The following HIGD2B variants were observed in gnomAD, a reference collection of about 807,000 sequenced individuals.
HIGD2B encodes HIG1 domain family member 2B.
For missense variants in HIGD2B, 106 were observed against 67.0 expected, an observed-to-expected ratio of 1.58 and a Z score of -2.03; for synonymous variants, 45 against 28.1, an observed-to-expected ratio of 1.60 and a Z score of -1.90.
chr15:72,676,317 TG>T lies in HIGD2B; in HGVS notation c.57del (p.Ile20SerfsTer32), dbSNP rs771338686. The T allele has an allele frequency of 2.6e-6, 2 of 760,912 alleles. No homozygotes were observed. The highest frequency in any genetic ancestry group is 1.4e-5 in the South Asian group (1 of 73,614). The allele number at this position is 760,912 out of a possible 1,614,324, so 47.1% of individuals were successfully genotyped here. On this transcript the variant is annotated frameshift_variant, in exon 3 of 3. Transcript: ENST00000311755. LOFTEE classifies it high-confidence loss of function. ...PEAPFESSKP[P>X]IFEGLSPTVY... ...ACAGTGGGGCTAAGCCCCTCAAAGA[TG>T]GGGGGCTTCGATGATTCAAAGGGGG...
intron 2 of HIGD2B, among the ~76,000 whole-genome samples, chr15:72,676,617 A>G (rs1336341436): frequency 3.9e-5 from 6 of 152,152 alleles, no homozygotes; most frequent in Non-Finnish European, 8.8e-5. Flanking sequence ...GGGTTTCACC[A>G]TATTGGCCAG....
chr15:72,681,343 C>A (rs973008049), intron 1 of HIGD2B, among the ~76,000 whole-genome samples: 2 of 152,180 alleles, frequency 1.3e-5, no homozygotes, highest in Non-Finnish European at 2.9e-5. Flanking sequence ...TCAGAACTCT[C>A]ATGGCATGGC....
rs751259449 is a variant in HIGD2B at position 72,676,337 on chromosome 15, A to G, written c.38T>C (p.Phe13Ser). ...TLGFVTPEAP[F>S]ESSKPPIFEG... ...AAAGATGGGGGGCTTCGATGATTCA[A>G]AGGGGGCCTCCGGAGTCACAAAGCC... The change falls in exon 3 of 3, where the codon TTT (phenylalanine) becomes TCT (serine). Residue 13 changes from phenylalanine (F) to serine (S), a missense_variant. Coordinates refer to ENST00000311755, the MANE Select transcript of HIGD2B (RefSeq NM_001350932.3). The G allele has an allele frequency of 1.3e-6, 1 of 761,906 alleles. No individual in the cohort carries two copies. 47.2% of individuals were successfully genotyped at this position (761,906 alleles called of 1,614,324 possible).
rs571437475 is a variant in HIGD2B at position 72,679,221 on chromosome 15, C to T, written c.-14+794G>A. 3.3e-4 allele frequency among the ~76,000 whole-genome samples: 50 copies of T among 151,048 alleles called. No individual in the cohort carries two copies. The South Asian group carries it at 7.8e-3, about 23-fold the overall frequency. On this transcript the variant is annotated intron_variant, in intron 2 of 2. Coordinates refer to ENST00000311755, the MANE Select transcript of HIGD2B (RefSeq NM_001350932.3). ...TTTACTAAAAATACAAAAAATTAGCCGGGCATGGTGGCACACTCCTGTAGC... is the reference window on the plus strand; with the variant it reads ...TTTACTAAAAATACAAAAAATTAGCTGGGCATGGTGGCACACTCCTGTAGC...
intron 2 of HIGD2B, among the ~76,000 whole-genome samples, chr15:72,677,826 G>A (rs2150974836): frequency 6.6e-6 from 1 of 152,090 alleles, no homozygotes; most frequent in African/African-American, 2.4e-5. Flanking sequence ...ATTAAAAATA[G>A]GGATCTGGAG....
intron 1 of HIGD2B, among the ~76,000 whole-genome samples, chr15:72,684,129 T>C (rs2064778260): frequency 6.6e-6 from 1 of 151,928 alleles, no homozygotes; most frequent in African/African-American, 2.4e-5. Flanking sequence ...TTGGACAAAA[T>C]GCACAAACAA....
intron 1 of HIGD2B, among the ~76,000 whole-genome samples, chr15:72,680,558 CA>C (rs371611228): frequency 2.7e-5 from 4 of 148,778 alleles, no homozygotes; most frequent in Admixed American, 6.7e-5. Context: ...TAAATGAGGT[CA>C]AAAAAAAAGG....
At position 72,685,968 on chromosome 15, in the gene HIGD2B, C is replaced by T; in HGVS notation, c.-343G>A. Reference sequence around the variant, plus strand: ...CAGCCAGCGCGGCCGGAGGTACAGACCATGTACAGACCACGGCGAGGGGTG... The same window carrying T: ...CAGCCAGCGCGGCCGGAGGTACAGATCATGTACAGACCACGGCGAGGGGTG... On this transcript the variant is annotated 5_prime_UTR_variant, in exon 1 of 3. Transcript: ENST00000311755. The T allele has an allele frequency of 1.7e-6, 1 of 588,732 alleles. No homozygotes were observed. The highest frequency in any genetic ancestry group is 1.9e-5 in the South Asian group (1 of 51,448). The allele number at this position is 588,732 out of a possible 1,614,324, so 36.5% of individuals were successfully genotyped here.
chr15:72,684,917 G>A (rs1157242617), intron 1 of HIGD2B, among the ~76,000 whole-genome samples: 1 of 152,256 alleles, frequency 6.6e-6, no homozygotes, highest in East Asian at 1.9e-4. Flanking sequence ...CCGAGTAGCT[G>A]CGATTACAGG....
At chr15:72,678,891 G>A (rs1314216504) in intron 2 of HIGD2B, among the ~76,000 whole-genome samples, 4 of 152,016 alleles carry the variant, frequency 2.6e-5, no homozygotes, top group Admixed American at 1.3e-4. Context: ...CAGCTACTCA[G>A]GAGTCTGAGG....
chr15:72,685,349 G>A (rs1010170677), intron 1 of HIGD2B, among the ~76,000 whole-genome samples: 1 of 152,208 alleles, frequency 6.6e-6, no homozygotes, highest in Non-Finnish European at 1.5e-5. Context: ...CTCAGGTGCA[G>A]GGATCCTCCG....
chr15:72,680,925 TAGTG>T (rs1436642460), intron 1 of HIGD2B, among the ~76,000 whole-genome samples: 5 of 151,890 alleles, frequency 3.3e-5, no homozygotes, highest in Non-Finnish European at 7.4e-5. Flanking sequence ...AGACCTGAGA[TAGTG>T]AGAGACAGGG....
intron 2 of HIGD2B, among the ~76,000 whole-genome samples, chr15:72,676,816 TGGTGG>T: frequency 6.6e-6 from 1 of 151,156 alleles, no homozygotes; most frequent in East Asian, 1.9e-4. Context: ...AATGGGGAGG[TGGTGG>T]GAAGGAGGTA....
At chr15:72,677,770 T>TA (rs11369031) in intron 2 of HIGD2B, among the ~76,000 whole-genome samples, 82,239 of 150,226 alleles carry the variant, frequency 0.55, 24,157 homozygotes, top group Middle Eastern at 0.68. Context: ...CTCTAAAAAT[T>TA]AAAAAAAAAT....
In HIGD2B at chr15:72,680,048, C is replaced by A; in HGVS notation, c.-47G>T. ...GTGGAAAGTGCCAACAGAGTTCTCCCGACGAATGTCTTCATATTCCTCATA... is the reference window on the plus strand; with the variant it reads ...GTGGAAAGTGCCAACAGAGTTCTCCAGACGAATGTCTTCATATTCCTCATA... On this transcript the variant is annotated 5_prime_UTR_variant, in exon 2 of 3. Coordinates refer to ENST00000311755, the MANE Select transcript of HIGD2B (RefSeq NM_001350932.3). The A allele has an allele frequency of 2.1e-6, 1 of 479,668 alleles. No individual in the cohort carries two copies. The allele number at this position is 479,668 out of a possible 1,614,324, so 29.7% of individuals were successfully genotyped here.
At chr15:72,685,133 T>C (rs1226503275) in intron 1 of HIGD2B, among the ~76,000 whole-genome samples, 1 of 152,204 alleles carries the variant, frequency 6.6e-6, no homozygotes, top group South Asian at 2.1e-4. Context: ...TGTTATTCTA[T>C]TGCTGTCCTT....
chr15:72,679,042 A>G (rs80326750), intron 2 of HIGD2B, among the ~76,000 whole-genome samples: 1 of 125,676 alleles, frequency 8.0e-6, no homozygotes, highest in East Asian at 2.1e-4. Context: ...GAAGGAAGGA[A>G]GGAGGGAAAA....
At chr15:72,682,816 A>G in intron 1 of HIGD2B, 1 of 252,036 alleles carries the variant, frequency 4.0e-6, no homozygotes, top group Non-Finnish European at 8.3e-6. Context: ...GATACCAGTT[A>G]GCCTTTGTAA....
chr15:72,683,334 T>C (rs748122363), intron 1 of HIGD2B, among the ~76,000 whole-genome samples: 5 of 152,038 alleles, frequency 3.3e-5, no homozygotes, highest in Non-Finnish European at 7.4e-5. Flanking sequence ...ACATGTCAGA[T>C]TGAGAATCAG....
Sources: allele counts gnomAD v4.1 joint callset (sites outside exome capture counted in the v4.1 genomes callset), GRCh38; gene constraint gnomAD v4.1.1; transcripts MANE v1.5; gene names NCBI Gene and HGNC (gene_info 2026-07-23, HGNC 2026-07-21).